CLOCK: variants seen among roughly 807,000 people sequenced by gnomAD.
CLOCK encodes the protein clock circadian regulator, also known as circadian locomoter output cycles protein kaput.
A neutral mutation model predicts 118.4 loss-of-function variants in CLOCK; 43 were observed. The ratio of observed to expected loss-of-function variants is 0.36; its 90% CI spans 0.28 to 0.47. CLOCK has a LOEUF of 0.47. Ranked by LOEUF, CLOCK falls within the 20% of genes least tolerant of loss-of-function variation. CLOCK has a pLI of 1.00. For missense variants in CLOCK, 846 were observed against 999.9 expected (o/e 0.85, Z 2.08); for synonymous variants, 326 against 339.2 (o/e 0.96, Z 0.43).
intron 1 of CLOCK, among the ~76,000 whole-genome samples, chr4:55,538,273 T>C (rs375997676): frequency 1.3e-5 from 2 of 152,296 alleles, no homozygotes; most frequent in African/African-American, 4.8e-5. Context: ...TACAACCATA[T>C]GACCAATAAC....
rs1419759979 is a variant in CLOCK, at chr4:55,429,080, T to A, written c.*6335A>T. ...TCAATCTGAAGGTAACAACTTATTT[T>A]AACTTAACTACTGGCATAACCATTG... On this transcript the variant is annotated 3_prime_UTR_variant, in exon 23 of 23. Coordinates refer to ENST00000513440, the MANE Select transcript of CLOCK (RefSeq NM_004898.4). 6.6e-6 allele frequency: 1 copy of A among 151,980 alleles called. No homozygotes were observed. The highest frequency in any genetic ancestry group is 6.6e-5 in the Admixed American group (1 of 15,254). 9.4% of individuals were successfully genotyped at this position (151,980 alleles called of 1,614,324 possible).
chr4:55,519,383 T>A (rs991202910), intron 1 of CLOCK, among the ~76,000 whole-genome samples: 1 of 152,164 alleles, frequency 6.6e-6, no homozygotes, highest in Non-Finnish European at 1.5e-5. Flanking sequence ...GTATATAGGA[T>A]AGTTCTTTCC....
Position 55,520,887 on chromosome 4 carries a change from T to C in CLOCK, c.-289-10822A>G, listed in dbSNP as rs970190831. Among the ~76,000 whole-genome samples, 13 of 152,234 alleles carry C rather than the reference T, an allele frequency of 8.5e-5. No homozygotes were observed. In the East Asian group the frequency reaches 2.5e-3, roughly 29 times the overall value. The stretch of plus-strand genomic sequence containing the variant: ...TATTTGATCATGTCACTCAAATTCC[T>C]TGAGATATAAAAATTGCTCCCTATA... On this transcript the variant is annotated intron_variant, in intron 1 of 22. Transcript: ENST00000513440.
intron 1 of CLOCK, among the ~76,000 whole-genome samples, chr4:55,525,793 T>C (rs1233514922): frequency 6.6e-6 from 1 of 151,618 alleles, no homozygotes; most frequent in African/African-American, 2.4e-5. Flanking sequence ...TTTTAAAGTA[T>C]ATGTTACCTT....
chr4:55,480,828 T>C (rs1025360728), intron 4 of CLOCK, among the ~76,000 whole-genome samples: 1 of 151,014 alleles, frequency 6.6e-6, no homozygotes, highest in African/African-American at 2.4e-5. Flanking sequence ...GAGGTGGAGC[T>C]TGCAGTGAGC....
Position 55,433,311 on chromosome 4 carries a change from A to T in CLOCK, c.*2104T>A, listed in dbSNP as rs1722645331. ...TCCTTGATATGTTAATTACTGATTG[A>T]TATCTAGTCACACTTCTTTTGTAGA... On this transcript the variant is annotated 3_prime_UTR_variant, in exon 23 of 23. Transcript: ENST00000513440. The T allele has an allele frequency of 6.6e-6, 1 of 152,640 alleles. No individual in the cohort carries two copies. Among genetic ancestry groups the T allele is most frequent in the African/African-American group, 2.4e-5 (1 of 41,454 alleles). The allele number at this position is 152,640 out of a possible 1,614,324, so 9.5% of individuals were successfully genotyped here.
chr4:55,484,952 C>T (rs940759868), intron 3 of CLOCK, among the ~76,000 whole-genome samples: 6 of 151,910 alleles, frequency 3.9e-5, no homozygotes, highest in East Asian at 1.9e-4. Context: ...AATAGAACAA[C>T]GTAAGATCTC....
chr4:55,479,828 ACTAAC>A, intron 4 of CLOCK, 129 bp from the exon 5 acceptor site: 2 of 712,050 alleles, frequency 2.8e-6, no homozygotes, highest in Non-Finnish European at 5.1e-6. Context: ...CATTCAAACT[ACTAAC>A]CTATTTCCTA....
chr4:55,469,310 GTCTCAAAC>G (rs1482220329), intron 8 of CLOCK, among the ~76,000 whole-genome samples: 2 of 152,064 alleles, frequency 1.3e-5, no homozygotes, highest in Non-Finnish European at 2.9e-5. Flanking sequence ...GGTCAGGCTG[GTCTCAAAC>G]TCTCAACCTC....
chr4:55,435,835 T>G (rs543332775), intron 22 of CLOCK, among the ~76,000 whole-genome samples: 1 of 152,266 alleles, frequency 6.6e-6, no homozygotes, highest in Non-Finnish European at 1.5e-5. Flanking sequence ...TTTTATGGTA[T>G]AGAAAGCAAT....
In CLOCK at chr4:55,450,117, G is replaced by T. The variant is rs754065025; in HGVS notation, c.1322C>A (p.Ser441Tyr). ...GGAAGGGTCTGAGACGGCCGTGTGA[G>T]ATGATTTTCTTGAACTCCGAGAAGA... ...SASSRSSRKSSHTAVSDPSST... is the reference protein window; with the variant it reads ...SASSRSSRKSYHTAVSDPSST... Residue 441 changes from serine to tyrosine, a missense_variant, in exon 16 of 23, where the codon TCT (serine) becomes TAT (tyrosine). Transcript: ENST00000513440. 1.2e-6 allele frequency: 2 copies of T among 1,614,032 alleles called. No individual in the cohort carries two copies. Among genetic ancestry groups the T allele is most frequent in the African/African-American group, 2.7e-5 (2 of 74,926 alleles).
intron 19 of CLOCK, 113 bp downstream of exon 19, chr4:55,444,520 T>G (rs1723632646): frequency 2.4e-6 from 3 of 1,264,610 alleles, no homozygotes; most frequent in Non-Finnish European, 3.4e-6. Context: ...TTTATTGAAC[T>G]GAATTGATAA....
chr4:55,458,749 T>A, intron 11 of CLOCK, 143 bp downstream of exon 11: 1 of 645,584 alleles, frequency 1.5e-6, no homozygotes, highest in Admixed American at 2.5e-5. Flanking sequence ...TTAATGAGTG[T>A]CTTGATAACT....
At chr4:55,438,657 A>T (rs1406306277) in intron 21 of CLOCK, 120 bp from the exon 22 acceptor site, 25 of 1,437,420 alleles carry the variant, frequency 1.7e-5, no homozygotes, top group Admixed American at 3.8e-5. Flanking sequence ...TTGTTTTTCA[A>T]GGTCTGTATA....
Position 55,431,694 on chromosome 4 carries a change from A to AGG in CLOCK, c.*3720_*3721insCC, listed in dbSNP as rs1722513371. On this transcript the variant is annotated 3_prime_UTR_variant, in exon 23 of 23. Transcript: ENST00000513440. ...ACAAATATTCATCAACAAACTTTCAATTACCAAAGAAACAGAAAGAAAAAA... is the reference window on the plus strand; with the variant it reads ...ACAAATATTCATCAACAAACTTTCAAGGTTACCAAAGAAACAGAAAGAAAAAA... 1 of 138,142 alleles carries AGG rather than the reference A, an allele frequency of 7.2e-6. No homozygotes were observed. Among genetic ancestry groups the AGG allele is most frequent in the Non-Finnish European group, 1.6e-5 (1 of 62,470 alleles). 8.6% of individuals were successfully genotyped at this position (138,142 alleles called of 1,614,324 possible).
chr4:55,491,399 A>G (rs1411541467), intron 2 of CLOCK, among the ~76,000 whole-genome samples: 1 of 151,478 alleles, frequency 6.6e-6, no homozygotes, highest in Non-Finnish European at 1.5e-5. Flanking sequence ...CAACAAAACT[A>G]AGAGTTGTTT....
chr4:55,444,455 A>G (rs12647034), intron 19 of CLOCK, among the ~76,000 whole-genome samples, 178 bp downstream of exon 19: 88,362 of 151,524 alleles, frequency 0.58, 27,333 homozygotes, highest in South Asian at 0.81. Flanking sequence ...CCTCAGAAAC[A>G]AATTATCTTT....
At chr4:55,464,511 T>C (rs1376692572) in intron 8 of CLOCK, among the ~76,000 whole-genome samples, 2 of 152,180 alleles carry the variant, frequency 1.3e-5, no homozygotes, top group African/African-American at 2.4e-5. Context: ...CCACTACGCA[T>C]TCTACCTGGT....
intron 8 of CLOCK, among the ~76,000 whole-genome samples, chr4:55,467,833 G>A (rs1725837675): frequency 2.0e-5 from 3 of 152,150 alleles, no homozygotes; most frequent in South Asian, 4.1e-4. Context: ...TAAATGTTGG[G>A]CTTATCCTAC....
Sources: gnomAD v4.1 joint callset for allele counts (sites outside exome capture counted in the v4.1 genomes callset) on GRCh38, gnomAD v4.1.1 for gene constraint, MANE v1.5 for transcripts, NCBI Gene and HGNC (gene_info 2026-07-23, HGNC 2026-07-21) for gene names.